CCT8: variants seen among roughly 807,000 people sequenced by gnomAD.
CCT8 encodes the protein T-complex protein 1 subunit theta.
CCT8 carries 10 observed loss-of-function variants against 65.7 expected under a neutral mutation model. That is an observed-to-expected ratio of 0.15 (90% CI 0.09 to 0.26). The LOEUF is 0.26. Ranked by LOEUF, CCT8 falls within the 10% of genes least tolerant of loss-of-function variation. The pLI, the probability that CCT8 is intolerant of heterozygous loss-of-function variation, is 1.00. For synonymous variants in CCT8, 199 were observed against 221.8 expected, an observed-to-expected ratio of 0.90 and a Z score of 0.92; for missense variants, 568 against 669.1, an observed-to-expected ratio of 0.85 and a Z score of 1.67.
At chr21:29,067,762 G>A in intron 3 of CCT8, 57 bp from the exon 4 acceptor site, 4 of 1,278,550 alleles carry the variant, frequency 3.1e-6, no homozygotes, top group Non-Finnish European at 4.1e-6. Context: ...ACATAAAATT[G>A]TTCATTTCCA....
chr21:29,057,937 C>T (rs1303159841), intron 14 of CCT8: 6 of 151,790 alleles, frequency 4.0e-5, no homozygotes, highest in Non-Finnish European at 7.4e-5. Context: ...ATCACTGGAA[C>T]TCAGGATTTT....
Position 29,061,326 on chromosome 21 carries a change from T to C in CCT8, c.1376A>G (p.Lys459Arg). The C allele has an allele frequency of 6.2e-7, 1 of 1,613,994 alleles. No individual in the cohort carries two copies. The highest frequency in any genetic ancestry group is 8.5e-7 in the Non-Finnish European group (1 of 1,179,856). ...PRALAENSGVKANEVISKLYA... is the reference protein window; with the variant it reads ...PRALAENSGVRANEVISKLYA... ...AAGTTTAGAGATTACTTCATTGGCC[T>C]TAACTCCAGAGTTTTCTGCCAGTGC... is the stretch of plus-strand genomic sequence containing the variant. Residue 459 changes from lysine (K) to arginine (R), a missense_variant, in exon 13 of 15, where the codon AAG becomes AGG. By Grantham distance (26) the Lys-to-Arg change is conservative (BLOSUM62 2). Coordinates refer to ENST00000286788, the MANE Select transcript of CCT8 (RefSeq NM_006585.4).
intron 14 of CCT8, among the ~76,000 whole-genome samples, chr21:29,058,936 T>C (rs1027256841): frequency 1.3e-5 from 2 of 152,140 alleles, no homozygotes; most frequent in African/African-American, 4.8e-5. Flanking sequence ...TTTTAAAAGA[T>C]GGAGTGTCAC....
intron 2 of CCT8, among the ~76,000 whole-genome samples, chr21:29,069,731 T>C (rs1436929321): frequency 1.3e-5 from 2 of 152,224 alleles, no homozygotes; most frequent in African/African-American, 4.8e-5. Flanking sequence ...CAATATTTAC[T>C]ACGTAAGATG....
At chr21:29,063,773 C>T (rs1472872186) in intron 7 of CCT8, among the ~76,000 whole-genome samples, 1 of 152,090 alleles carries the variant, frequency 6.6e-6, no homozygotes. Flanking sequence ...GTACTTTTAT[C>T]TATTTATTTA....
chr21:29,057,842 T>C (rs902196694), intron 14 of CCT8, among the ~76,000 whole-genome samples: 3 of 151,026 alleles, frequency 2.0e-5, no homozygotes, highest in Non-Finnish European at 4.4e-5. Context: ...GATATATACA[T>C]ATCAGATATA....
rs1056304762 is a variant in CCT8, at chr21:29,071,559, G to T, written c.61-1222C>A. ...TAGAGGTGCGCGCCACACCAGGTTG[G>T]TTTTTTTTGTATTTTTTTGAGAGGC... On this transcript the variant is annotated intron_variant, in intron 1 of 14. Transcript: ENST00000286788. 7.9e-5 allele frequency among the ~76,000 whole-genome samples: 12 copies of T among 151,488 alleles called. No homozygotes were observed. In the East Asian group the frequency reaches 1.8e-3, roughly 22 times the overall value.
chr21:29,066,653 AAAC>A lies in CCT8; in HGVS notation c.624+60_624+62del, dbSNP rs1330146134. On this transcript the variant is annotated intron_variant, in intron 6 of 14. Transcript: ENST00000286788. ...CACATTTTTTTTTTTTTGCACAAAA[AAAC>A]AAAAAAAGCACACAAAAAAACTGAC... is the stretch of plus-strand genomic sequence containing the variant. 6 of 1,126,494 alleles carry A rather than the reference AAAC, an allele frequency of 5.3e-6. No homozygotes were observed. In the African/African-American group the frequency reaches 6.3e-5, roughly 12 times the overall value. The allele number at this position is 1,126,494 out of a possible 1,614,324, so 69.8% of individuals were successfully genotyped here.
chr21:29,063,428 T>G lies in CCT8; in HGVS notation c.865A>C (p.Asn289His), dbSNP rs1179360186. 1 of 1,613,926 alleles carries G rather than the reference T, an allele frequency of 6.2e-7. No homozygotes were observed. The highest frequency in any genetic ancestry group is 1.3e-5 in the African/African-American group (1 of 74,938). ...QVKAIADTGA[N>H]VVVTGGKVAD... is the part of the protein sequence containing the mutation. ...ACTTTGCCACCTGTTACTACGACAT[T>G]TGCACCAGTATCAGCAATAGCTTTG... Residue 289 changes from asparagine to histidine, a missense_variant, in exon 8 of 15, where the codon AAT becomes CAT. Coordinates refer to ENST00000286788, the MANE Select transcript of CCT8 (RefSeq NM_006585.4).
chr21:29,072,059 G>C, intron 1 of CCT8: 1 of 672,112 alleles, frequency 1.5e-6, no homozygotes, highest in South Asian at 1.6e-5. Flanking sequence ...CTTTGTACTA[G>C]TTAGTCCCTG....
intron 1 of CCT8, chr21:29,072,100 G>A (rs998125522): frequency 3.2e-6 from 2 of 625,220 alleles, no homozygotes; most frequent in African/African-American, 1.8e-5. Context: ...GTAAGAGGTC[G>A]GGGGAAACAG....
chr21:29,062,923 T>G, intron 8 of CCT8: 1 of 336,214 alleles, frequency 3.0e-6, no homozygotes, highest in Non-Finnish European at 5.5e-6. Context: ...CAATCAATGT[T>G]CTGTGAACAA....
At chr21:29,067,410 G>T in intron 4 of CCT8, 146 bp downstream of exon 4, 2 of 531,998 alleles carry the variant, frequency 3.8e-6, no homozygotes, top group Non-Finnish European at 6.2e-6. Context: ...TACAGCATGT[G>T]AAGCATATGT....
chr21:29,071,545 G>A (rs1285116658), intron 1 of CCT8, among the ~76,000 whole-genome samples: 2 of 151,810 alleles, frequency 1.3e-5, no homozygotes, highest in African/African-American at 2.4e-5. Flanking sequence ...AGAGGTGCGC[G>A]CCACACCAGG....
intron 1 of CCT8, among the ~76,000 whole-genome samples, chr21:29,072,438 G>A (rs1369461083): frequency 6.6e-6 from 1 of 152,036 alleles, no homozygotes; most frequent in Non-Finnish European, 1.5e-5. Flanking sequence ...TGATACACGA[G>A]TTTTCCAAAA....
rs766054334 is a variant in CCT8, at chr21:29,063,378, T to G, written c.915A>C (p.Ala305=). ...GKVADMALHY[A]NKYNIMLVRL... is the part of the protein sequence containing the mutation. ...TCACTAACATGATATTATATTTATTTGCATAATGAAGAGCCATGTCTGCCA... is the reference window on the plus strand; with the variant it reads ...TCACTAACATGATATTATATTTATTGGCATAATGAAGAGCCATGTCTGCCA... Residue 305 remains alanine, a synonymous_variant, in exon 8 of 15, where the codon GCA becomes GCC. Coordinates refer to ENST00000286788, the MANE Select transcript of CCT8 (RefSeq NM_006585.4). 2.0e-5 allele frequency: 32 copies of G among 1,613,510 alleles called. No homozygotes were observed. In the Admixed American group the frequency reaches 5.3e-4, roughly 27 times the overall value.
intron 6 of CCT8, among the ~76,000 whole-genome samples, chr21:29,066,081 C>CA (rs10597265): frequency 4.7e-4 from 48 of 102,676 alleles, no homozygotes; most frequent in East Asian, 2.7e-3. Context: ...GACTCCATCT[C>CA]AAAAAAAAAA....
rs1020116307 is a variant in CCT8, at chr21:29,062,143, G to C, written c.1197C>G (p.Phe399Leu). 4 of 1,608,120 alleles carry C rather than the reference G, an allele frequency of 2.5e-6. No individual in the cohort carries two copies. Among genetic ancestry groups the C allele is most frequent in the East Asian group, 4.5e-5 (2 of 44,858 alleles). ...ERAVDDGVNT[F>L]KVLTRDKRLV... is the part of the protein sequence containing the mutation. ...TGATACTGACCCTTGTAAGAACTTT[G>C]AAAGTATTAACACCATCGTCTACTG... is the stretch of plus-strand genomic sequence containing the variant. The change falls in exon 11 of 15, where the codon TTC becomes TTG. Residue 399 changes from phenylalanine (F) to leucine (L), a missense_variant. Physicochemically the swap from Phe to Leu is conservative, Grantham distance 22. Transcript: ENST00000286788.
At position 29,056,335 on chromosome 21, in the gene CCT8, A is replaced by G; in HGVS notation, c.*140T>C. On this transcript the variant is annotated 3_prime_UTR_variant, in exon 15 of 15. Transcript: ENST00000286788. ...CATTAGACAATAAGGCTTTGACAGT[A>G]ACAATATGTTTATTATAACATCCAG... 2.2e-6 allele frequency: 1 copy of G among 464,538 alleles called. No homozygotes were observed. The highest frequency in any genetic ancestry group is 3.8e-6 in the Non-Finnish European group (1 of 266,196). The allele number at this position is 464,538 out of a possible 1,614,324, so 28.8% of individuals were successfully genotyped here.
Sources: allele counts gnomAD v4.1 joint callset (sites outside exome capture counted in the v4.1 genomes callset), GRCh38; gene constraint gnomAD v4.1.1; transcripts MANE v1.5; gene names NCBI Gene and HGNC (gene_info 2026-07-23, HGNC 2026-07-21).